Variants in CAP1 observed in about 807,000 individuals in gnomAD.
CAP1 encodes the protein cyclase associated actin cytoskeleton regulatory protein 1.
In CAP1, 11 loss-of-function variants were observed where a neutral mutation model predicts 58.2. That is an observed-to-expected ratio of 0.19 (90% confidence interval 0.12 to 0.31). The LOEUF (loss-of-function observed/expected upper bound fraction) is 0.31, where lower values mean the gene tolerates loss of function less well. Among genes scored for constraint, CAP1 ranks in the 10% least tolerant of loss-of-function variants. The pLI, the probability that CAP1 is intolerant of heterozygous loss-of-function variation, is 1.00. For missense variants in CAP1, 423 were observed against 587.5 expected, an observed-to-expected ratio of 0.72 and a Z score of 2.89; for synonymous variants, 183 against 213.8, an observed-to-expected ratio of 0.86 and a Z score of 1.26.
chr1:40,070,005 G>C (rs1476515901), intron 9 of CAP1, 131 bp downstream of exon 9: 7 of 1,391,898 alleles, frequency 5.0e-6, no homozygotes, highest in Non-Finnish European at 4.9e-6. Flanking sequence ...CGCCTCCCGG[G>C]GAAAAGGAGT....
intron 1 of CAP1, among the ~76,000 whole-genome samples, chr1:40,041,972 C>T (rs1443787804): frequency 1.3e-5 from 2 of 152,184 alleles, no homozygotes; most frequent in African/African-American, 4.8e-5. Flanking sequence ...CTTTGTGGGG[C>T]TCTCTCTTCA....
intron 1 of CAP1, among the ~76,000 whole-genome samples, chr1:40,051,996 AG>A (rs1422932545): frequency 6.6e-6 from 1 of 152,010 alleles, no homozygotes; most frequent in East Asian, 1.9e-4. Flanking sequence ...TCTGGAGGGG[AG>A]GGACCATGTG....
intron 1 of CAP1, among the ~76,000 whole-genome samples, chr1:40,044,720 A>G (rs1026176458): frequency 4.1e-5 from 6 of 147,344 alleles, no homozygotes; most frequent in African/African-American, 7.6e-5. Context: ...GCACCTCCCT[A>G]TGCTCCTTAT....
chr1:40,067,772 C>T (rs113112912), intron 8 of CAP1, 55 bp downstream of exon 8: 1 of 1,312,522 alleles, frequency 7.6e-7, no homozygotes, highest in Non-Finnish European at 1.1e-6. Context: ...TGGGCCAGAC[C>T]CCACCAACCA....
chr1:40,048,605 G>T (rs1229379903), intron 1 of CAP1, among the ~76,000 whole-genome samples: 1 of 152,128 alleles, frequency 6.6e-6, no homozygotes, highest in Non-Finnish European at 1.5e-5. Flanking sequence ...TTAAAAGAAA[G>T]TTTGGAAAAC....
chr1:40,060,896 A>T (rs1646821165), intron 3 of CAP1, among the ~76,000 whole-genome samples: 1 of 152,170 alleles, frequency 6.6e-6, no homozygotes, highest in African/African-American at 2.4e-5. Context: ...TGGGACTTTA[A>T]TAAGGGTGTG....
chr1:40,041,128 C>G (rs908331149), intron 1 of CAP1, among the ~76,000 whole-genome samples: 1 of 152,210 alleles, frequency 6.6e-6, no homozygotes, highest in African/African-American at 2.4e-5. Flanking sequence ...TGTTGATGCT[C>G]CCATTGCACT....
chr1:40,059,166 T>C (rs1646742381), intron 1 of CAP1, among the ~76,000 whole-genome samples, 171 bp from the exon 2 acceptor site: 1 of 152,176 alleles, frequency 6.6e-6, no homozygotes, highest in African/African-American at 2.4e-5. Context: ...TTATCTGATA[T>C]TTTTGTATTG....
At position 40,071,578 on chromosome 1, in the gene CAP1, TA is replaced by T. The variant is rs757905440; in HGVS notation, c.*48del. ...TTTGCCCTCCCTTCACACCATGGGA[TA>T]AATCTGTATCAAGACGGTTCTTTTC... On this transcript the variant is annotated 3_prime_UTR_variant, in exon 13 of 13. Coordinates refer to ENST00000372805, the MANE Select transcript of CAP1 (RefSeq NM_006367.4). 37 of 1,205,778 alleles carry T rather than the reference TA, an allele frequency of 3.1e-5. No homozygotes were observed. The African/African-American group carries it at 4.2e-4, about 14-fold the overall frequency. The allele number at this position is 1,205,778 out of a possible 1,614,324, so 74.7% of individuals were successfully genotyped here.
At chr1:40,057,927 A>C (rs1646685608) in intron 1 of CAP1, among the ~76,000 whole-genome samples, 1 of 152,092 alleles carries the variant, frequency 6.6e-6, no homozygotes, top group Non-Finnish European at 1.5e-5. Flanking sequence ...CATATTTTAC[A>C]CTTATGTGTG....
At chr1:40,070,080 C>A in intron 9 of CAP1, 79 bp from the exon 10 acceptor site, 1 of 1,592,750 alleles carries the variant, frequency 6.3e-7, no homozygotes, top group South Asian at 1.1e-5. Context: ...ATTGCAAGAA[C>A]AAAAAGTTTG....
chr1:40,042,508 G>A (rs1645883242), intron 1 of CAP1, among the ~76,000 whole-genome samples: 1 of 152,230 alleles, frequency 6.6e-6, no homozygotes, highest in Non-Finnish European at 1.5e-5. Context: ...GAAAGACCAT[G>A]ACGAGTTCAG....
rs199668513 is a variant in CAP1 at position 40,070,940 on chromosome 1, C to T, written c.1305C>T (p.Ser435=). 1.0e-4 allele frequency: 163 copies of T among 1,613,864 alleles called. 1 individual carries two copies. In the African/African-American group the frequency reaches 2.0e-3, roughly 19 times the overall value. Reference sequence around the variant, plus strand: ...GTGAAATAGTCAGTGCCAAATCTTCCGAGATGAATGTCCTCATTCCTACAG... The same window carrying T: ...GTGAAATAGTCAGTGCCAAATCTTCTGAGATGAATGTCCTCATTCCTACAG... The part of the protein sequence containing the change: ...LDCEIVSAKS[S]EMNVLIPTEG... Residue 435 remains serine (S), a synonymous_variant, in exon 12 of 13, where the codon TCC becomes TCT. Transcript: ENST00000372805.
At chr1:40,066,164 AC>A (rs1168857885) in intron 6 of CAP1, 50 bp from the exon 7 acceptor site, 2 of 1,005,322 alleles carry the variant, frequency 2.0e-6, no homozygotes, top group Non-Finnish European at 3.2e-6. Flanking sequence ...TGGAGTCACC[AC>A]TGTTATGTAC....
At position 40,071,701 on chromosome 1, in the gene CAP1, G is replaced by A. The variant is rs1039498872; in HGVS notation, c.*168G>A. The A allele has an allele frequency of 3.1e-5, 18 of 577,398 alleles. No homozygotes were observed. Among genetic ancestry groups the A allele is most frequent in the Non-Finnish European group, 5.3e-5 (17 of 322,246 alleles). The allele number at this position is 577,398 out of a possible 1,614,324, so 35.8% of individuals were successfully genotyped here. A position where few individuals can be genotyped will look rare whatever the true frequency, so the allele number is the denominator to read the frequency against. On this transcript the variant is annotated 3_prime_UTR_variant, in exon 13 of 13. Transcript: ENST00000372805. ...GAAATATACCTCAGGCTGAAATTTG[G>A]GGTGGGATAGCAGGTCAGTTGATCT...
chr1:40,059,478 G>C lies in CAP1; in HGVS notation c.112+20G>C, dbSNP rs1380421717. On this transcript the variant is annotated intron_variant, in intron 2 of 12. Coordinates refer to ENST00000372805, the MANE Select transcript of CAP1 (RefSeq NM_006367.4). Reference sequence around the variant, plus strand: ...CAAAAGGTAAGCAGTCCACAGCCCAGCAGAATGCTTTCTTTGAGCGTCTTG... The same window carrying C: ...CAAAAGGTAAGCAGTCCACAGCCCACCAGAATGCTTTCTTTGAGCGTCTTG... 2 of 1,428,418 alleles carry C rather than the reference G, an allele frequency of 1.4e-6. No individual in the cohort carries two copies. Among genetic ancestry groups the C allele is most frequent in the African/African-American group, 2.8e-5 (2 of 71,100 alleles). 88.5% of individuals were successfully genotyped at this position (1,428,418 alleles called of 1,614,324 possible). A position where few individuals can be genotyped will look rare whatever the true frequency, so the allele number is the denominator to read the frequency against.
chr1:40,068,180 A>G (rs1249616195), intron 8 of CAP1, among the ~76,000 whole-genome samples: 3 of 152,258 alleles, frequency 2.0e-5, no homozygotes, highest in Admixed American at 1.3e-4. Flanking sequence ...CTAGGAATCT[A>G]TGATCATAGT....
At chr1:40,053,095 G>T (rs974315115) in intron 1 of CAP1, among the ~76,000 whole-genome samples, 3 of 152,142 alleles carry the variant, frequency 2.0e-5, no homozygotes, top group African/African-American at 7.2e-5. Context: ...GTGGTGGCAG[G>T]TGCCTGTAGT....
rs781552745 is a variant in CAP1, at chr1:40,070,971, G to A, written c.1336G>A (p.Gly446Ser). ...EMNVLIPTEG[G>S]DFNEFPVPEQ... Reference sequence around the variant, plus strand: ...GAATGTCCTCATTCCTACAGAAGGCGGTGACTTTGTAAGTTTCTTGATCTC... The same window carrying A: ...GAATGTCCTCATTCCTACAGAAGGCAGTGACTTTGTAAGTTTCTTGATCTC... The change falls in exon 12 of 13, where the codon GGT becomes AGT. Residue 446 changes from glycine (G) to serine (S), a missense_variant. Physicochemically the swap from Gly to Ser is moderately conservative, Grantham distance 56. Coordinates refer to ENST00000372805, the MANE Select transcript of CAP1 (RefSeq NM_006367.4). 4.3e-5 allele frequency: 69 copies of A among 1,610,060 alleles called. No individual in the cohort carries two copies. The highest frequency in any genetic ancestry group is 5.7e-5 in the Non-Finnish European group (67 of 1,178,620).
Sources: gnomAD v4.1 joint callset for allele counts (sites outside exome capture counted in the v4.1 genomes callset) on GRCh38, gnomAD v4.1.1 for gene constraint, MANE v1.5 for transcripts, NCBI Gene and HGNC (gene_info 2026-07-23, HGNC 2026-07-21) for gene names.